Variants in SDK1 observed in about 807,000 individuals in gnomAD.
The protein encoded by SDK1 is sidekick cell adhesion molecule 1.
A neutral mutation model predicts 245.5 loss-of-function variants in SDK1; 157 were observed. That is an observed-to-expected ratio of 0.64 (90% CI 0.56 to 0.73). SDK1 has a LOEUF of 0.73. Ranked by LOEUF, SDK1 falls within the 30% of genes least tolerant of loss-of-function variation. The pLI, the probability that SDK1 is intolerant of heterozygous loss-of-function variation, is 0.00. For synonymous variants in SDK1, 1,647 were observed against 1,278.5 expected (o/e 1.29, Z -6.15); for missense variants, 3,583 against 3,002.3 (o/e 1.19, Z -4.52).
chr7:3,478,166 C>T (rs905068313), intron 1 of SDK1, among the ~76,000 whole-genome samples: 9 of 152,016 alleles, frequency 5.9e-5, no homozygotes, highest in African/African-American at 2.2e-4. Flanking sequence ...GAAAATATCC[C>T]TCATTATTTT....
chr7:3,744,815 A>AAAAC (rs1384187278), intron 4 of SDK1, among the ~76,000 whole-genome samples: 6 of 152,098 alleles, frequency 3.9e-5, no homozygotes, highest in African/African-American at 1.2e-4. Flanking sequence ...CCATCTCAAA[A>AAAAC]AAACAAACAA....
chr7:4,076,451 G>T (rs1324054775), intron 20 of SDK1, among the ~76,000 whole-genome samples: 1 of 152,222 alleles, frequency 6.6e-6, no homozygotes, highest in Non-Finnish European at 1.5e-5. Flanking sequence ...AGCTACTCAG[G>T]ACGCTGAGGT....
intron 19 of SDK1, among the ~76,000 whole-genome samples, chr7:4,053,086 CA>C (rs923402926): frequency 0.062 from 3,702 of 60,134 alleles, 73 homozygotes; most frequent in African/African-American, 0.14. Context: ...GACTCTGTCT[CA>C]AAAAAAAAAA....
intron 1 of SDK1, among the ~76,000 whole-genome samples, chr7:3,415,789 CTA>C (rs1462661360): frequency 6.6e-6 from 1 of 151,792 alleles, no homozygotes; most frequent in East Asian, 1.9e-4. Context: ...GGAGTAGGGA[CTA>C]TGTTTTCTTC....
At chr7:3,931,590 A>G (rs973324347) in intron 5 of SDK1, among the ~76,000 whole-genome samples, 1 of 152,184 alleles carries the variant, frequency 6.6e-6, no homozygotes, top group Non-Finnish European at 1.5e-5. Context: ...CTTTCTATTC[A>G]GGCATGTGGG....
At position 3,470,650 on chromosome 7, in the gene SDK1, A is replaced by G. The variant is rs541756201; in HGVS notation, c.299-148430A>G. 2.9e-3 allele frequency among the ~76,000 whole-genome samples: 435 copies of G among 152,282 alleles called. 3 individuals are homozygous for G. The highest frequency in any genetic ancestry group is 0.01 in the African/African-American group (425 of 41,540). ...ACAGGAAACAAAAGGAAAATCTTAC[A>G]AAGAGTTATAGTCTGATTTCTGAAA... On this transcript the variant is annotated intron_variant, in intron 1 of 44. Transcript: ENST00000404826.
chr7:4,136,026 C>G (rs1366444864), intron 28 of SDK1, among the ~76,000 whole-genome samples: 1 of 152,124 alleles, frequency 6.6e-6, no homozygotes, highest in Non-Finnish European at 1.5e-5. Flanking sequence ...TAAAGTGCGT[C>G]GGGAGGTATG....
At chr7:4,223,748 T>C (rs958353467) in intron 40 of SDK1, among the ~76,000 whole-genome samples, 18 of 152,148 alleles carry the variant, frequency 1.2e-4, no homozygotes, top group Non-Finnish European at 1.9e-4. Context: ...AACGTATGAA[T>C]TTGCAGTGGG....
chr7:3,437,466 C>T (rs374570337), intron 1 of SDK1, among the ~76,000 whole-genome samples: 1 of 152,034 alleles, frequency 6.6e-6, no homozygotes, highest in African/African-American at 2.4e-5. Context: ...TTTCATGTGC[C>T]AGCAGTCAAA....
chr7:3,827,729 A>T (rs1779811937), intron 5 of SDK1, among the ~76,000 whole-genome samples: 1 of 152,166 alleles, frequency 6.6e-6, no homozygotes, highest in South Asian at 2.1e-4. Flanking sequence ...CTTTCAGGCC[A>T]TGTGTTTAAG....
intron 43 of SDK1, among the ~76,000 whole-genome samples, chr7:4,245,045 T>C (rs1786761174): frequency 6.6e-6 from 1 of 152,190 alleles, no homozygotes; most frequent in Non-Finnish European, 1.5e-5. Context: ...TTCCATTTAA[T>C]GTAACCGAGT....
chr7:3,913,149 C>T (rs1392688157), intron 5 of SDK1, among the ~76,000 whole-genome samples: 1 of 152,184 alleles, frequency 6.6e-6, no homozygotes, highest in East Asian at 1.9e-4. Flanking sequence ...GGGGGCCCTG[C>T]CATGAAGCCT....
At chr7:4,063,377 G>T (rs1422423218) in intron 19 of SDK1, among the ~76,000 whole-genome samples, 2 of 151,916 alleles carry the variant, frequency 1.3e-5, no homozygotes, top group Non-Finnish European at 2.9e-5. Context: ...ACATATCTAG[G>T]AATTAATTTA....
chr7:3,728,741 G>A lies in SDK1; in HGVS notation c.713+86636G>A, dbSNP rs562209925. 3.5e-3 allele frequency among the ~76,000 whole-genome samples: 531 copies of A among 152,248 alleles called. 4 individuals are homozygous for A. The highest frequency in any genetic ancestry group is 0.017 in the South Asian group (80 of 4,822). ...CTGCCTCAGCCTCCCAAGTAGCTGG[G>A]ATTACAGGCATGTGCCACCATGCCT... On this transcript the variant is annotated intron_variant, in intron 4 of 44. Coordinates refer to ENST00000404826, the MANE Select transcript of SDK1 (RefSeq NM_152744.4).
At chr7:3,459,161 C>T (rs180929332) in intron 1 of SDK1, among the ~76,000 whole-genome samples, 4 of 152,124 alleles carry the variant, frequency 2.6e-5, no homozygotes, top group African/African-American at 7.2e-5. Context: ...TTTGTTGTAA[C>T]TCTTGCATTT....
chr7:3,354,878 C>T (rs913320255), intron 1 of SDK1, among the ~76,000 whole-genome samples: 9 of 152,174 alleles, frequency 5.9e-5, no homozygotes, highest in South Asian at 2.1e-4. Flanking sequence ...TACTTGATCA[C>T]GTTAAAGAGG....
chr7:4,265,175 C>T lies in SDK1; in HGVS notation c.6433C>T (p.His2145Tyr). 2 of 1,612,510 alleles carry T rather than the reference C, an allele frequency of 1.2e-6. No individual in the cohort carries two copies. Among genetic ancestry groups the T allele is most frequent in the African/African-American group, 2.7e-5 (2 of 75,052 alleles). ...DALPKHSFVN[H>Y]YMSDPTYYNS... ...GCTGCCCAAGCACTCCTTCGTGAACCACTACATGAGCGACCCCACCTACTA... is the reference window on the plus strand; with the variant it reads ...GCTGCCCAAGCACTCCTTCGTGAACTACTACATGAGCGACCCCACCTACTA... Residue 2145 changes from histidine (H) to tyrosine (Y), a missense_variant, in exon 45 of 45, where the codon CAC (histidine) becomes TAC (tyrosine). Transcript: ENST00000404826.
intron 4 of SDK1, among the ~76,000 whole-genome samples, chr7:3,734,365 G>C (rs557270941): frequency 6.6e-6 from 1 of 152,266 alleles, no homozygotes; most frequent in East Asian, 1.9e-4. Context: ...TGTTGAATTT[G>C]TCTTTACACA....
intron 1 of SDK1, among the ~76,000 whole-genome samples, chr7:3,555,332 A>T (rs1779554065): frequency 1.3e-5 from 2 of 152,222 alleles, no homozygotes; most frequent in South Asian, 4.1e-4. Flanking sequence ...ACATTGGGGA[A>T]AGGACACTCT....
Sources: gnomAD v4.1 joint callset for allele counts (sites outside exome capture counted in the v4.1 genomes callset) on GRCh38, gnomAD v4.1.1 for gene constraint, MANE v1.5 for transcripts, NCBI Gene and HGNC (gene_info 2026-07-23, HGNC 2026-07-21) for gene names.